Variants in SYK observed in about 807,000 individuals in gnomAD.
SYK encodes the protein spleen associated tyrosine kinase.
In SYK, 16 loss-of-function variants were observed where a neutral mutation model predicts 77.8. The observed-to-expected ratio is 0.21, with a 90% CI of 0.14 to 0.31. The LOEUF (loss-of-function observed/expected upper bound fraction) is 0.31. SYK is among the 10% of genes least tolerant of loss of function. SYK has a pLI of 1.00. For missense variants in SYK, 529 were observed against 814.4 expected, an observed-to-expected ratio of 0.65 and a Z score of 4.26; for synonymous variants, 312 against 308.7, an observed-to-expected ratio of 1.01 and a Z score of -0.11.
intron 1 of SYK, among the ~76,000 whole-genome samples, chr9:90,818,820 G>GC (rs1470015329): frequency 6.6e-6 from 1 of 152,202 alleles, no homozygotes; most frequent in Non-Finnish European, 1.5e-5. Flanking sequence ...CCTGGCTCAG[G>GC]CCCCTCTGGT....
At chr9:90,827,745 G>A (rs2118470382) in intron 1 of SYK, among the ~76,000 whole-genome samples, 1 of 152,318 alleles carries the variant, frequency 6.6e-6, no homozygotes, top group Non-Finnish European at 1.5e-5. Context: ...TCTTGAGCTG[G>A]AAGGTTTAGC....
intron 1 of SYK, among the ~76,000 whole-genome samples, chr9:90,819,348 A>T (rs1825420606): frequency 6.6e-6 from 1 of 152,150 alleles, no homozygotes; most frequent in South Asian, 2.1e-4. Context: ...TGCTTTCAAG[A>T]CCATTTGAGG....
chr9:90,841,284 A>G (rs1006123174), intron 1 of SYK, among the ~76,000 whole-genome samples: 1 of 143,914 alleles, frequency 6.9e-6, no homozygotes, highest in Non-Finnish European at 1.5e-5. Context: ...GTACTGTGTT[A>G]TGTGTGTAAT....
At chr9:90,870,981 C>G (rs1279285575) in intron 7 of SYK, among the ~76,000 whole-genome samples, 8 of 152,160 alleles carry the variant, frequency 5.3e-5, no homozygotes, top group Non-Finnish European at 1.0e-4. Flanking sequence ...TTCCACAGAC[C>G]AATAATTTTT....
chr9:90,822,415 C>T (rs1825548880), intron 1 of SYK, among the ~76,000 whole-genome samples: 1 of 152,196 alleles, frequency 6.6e-6, no homozygotes, highest in African/African-American at 2.4e-5. Context: ...AAAGCAGTCT[C>T]ATCAATGTGA....
At position 90,844,101 on chromosome 9, in the gene SYK, G is replaced by A. The variant is rs750210254; in HGVS notation, c.203G>A (p.Arg68Gln). 1.9e-5 allele frequency: 30 copies of A among 1,613,324 alleles called. No homozygotes were observed. Among genetic ancestry groups the A allele is most frequent in the East Asian group, 1.1e-4 (5 of 44,858 alleles). ...AAGGCACACCACTACACCATCGAGC[G>A]GGAGCTGAATGGCACCTACGCCATC... ...GRKAHHYTIE[R>Q]ELNGTYAIAG... The change falls in exon 2 of 14, where the codon CGG becomes CAG. Residue 68 changes from arginine (R) to glutamine (Q), a missense_variant. Physicochemically the swap from Arg to Gln is conservative, Grantham distance 43. Transcript: ENST00000375754.
Position 90,895,627 on chromosome 9 carries a change from C to G in SYK, c.*27C>G, listed in dbSNP as rs1828955566. 1 of 1,604,820 alleles carries G rather than the reference C, an allele frequency of 6.2e-7. No homozygotes were observed. Among genetic ancestry groups the G allele is most frequent in the African/African-American group, 1.3e-5 (1 of 74,752 alleles). ...CGCTCCCGCACCTGTCGGTGGCTGC[C>G]TTTGATCACAGGAGCAATCACAGGA... On this transcript the variant is annotated 3_prime_UTR_variant, in exon 14 of 14. Transcript: ENST00000375754. The surrounding 1 kb of genome is among the most constrained non-coding windows in gnomAD (Gnocchi z 4.4).
rs150394430 is a variant in SYK, at chr9:90,818,123, C to T, written c.-42+16230C>T. Among the ~76,000 whole-genome samples the T allele has an allele frequency of 5.1e-3, 783 of 152,200 alleles. 4 individuals carry two copies. The highest frequency in any genetic ancestry group is 8.7e-3 in the Non-Finnish European group (592 of 68,006). ...GGGCAAACATAGCTGCATTGGGCTCCGCTTGTGGCATGTTATTGCTCAGGA... is the reference window on the plus strand; with the variant it reads ...GGGCAAACATAGCTGCATTGGGCTCTGCTTGTGGCATGTTATTGCTCAGGA... On this transcript the variant is annotated intron_variant, in intron 1 of 13. Transcript: ENST00000375754.
chr9:90,846,862 G>A (rs1587855285), intron 3 of SYK, among the ~76,000 whole-genome samples: 1 of 152,338 alleles, frequency 6.6e-6, no homozygotes, highest in Admixed American at 6.5e-5. Context: ...TATTTTTGCT[G>A]AGGTTTGGCT....
At chr9:90,823,765 T>G (rs1825590017) in intron 1 of SYK, among the ~76,000 whole-genome samples, 1 of 152,020 alleles carries the variant, frequency 6.6e-6, no homozygotes, top group African/African-American at 2.4e-5. Flanking sequence ...ATAGAGAAAT[T>G]TATAGAACTA....
At position 90,895,482 on chromosome 9, in the gene SYK, T is replaced by C; in HGVS notation, c.1836-46T>C. The C allele has an allele frequency of 1.2e-6, 2 of 1,604,924 alleles. No individual in the cohort carries two copies. Among genetic ancestry groups the C allele is most frequent in the Non-Finnish European group, 1.7e-6 (2 of 1,172,804 alleles). ...GAGGCCCTGCTTGTGATCAGCAATT[T>C]TTCACAAGCACATTGACAAACAAGA... On this transcript the variant is annotated intron_variant, in intron 13 of 13. Transcript: ENST00000375754. The surrounding 1 kb of genome is among the most constrained non-coding windows in gnomAD (Gnocchi z 4.4).
At chr9:90,864,983 G>A in intron 5 of SYK, 65 bp from the exon 6 acceptor site, 2 of 1,491,702 alleles carry the variant, frequency 1.3e-6, no homozygotes, top group African/African-American at 1.4e-5. Context: ...TTGATCTGCA[G>A]TGGGGAGGGG....
intron 3 of SYK, among the ~76,000 whole-genome samples, chr9:90,851,973 A>C (rs1268730036): frequency 6.6e-6 from 1 of 152,204 alleles, no homozygotes; most frequent in Non-Finnish European, 1.5e-5. Context: ...CAAGCATACA[A>C]ACTTTAGAAA....
intron 1 of SYK, among the ~76,000 whole-genome samples, chr9:90,824,559 G>T (rs1825611865): frequency 6.6e-6 from 1 of 152,038 alleles, no homozygotes; most frequent in Non-Finnish European, 1.5e-5. Context: ...TGCAAAACAG[G>T]TTCAACATTT....
intron 3 of SYK, among the ~76,000 whole-genome samples, chr9:90,857,491 C>T (rs528540479): frequency 6.6e-6 from 1 of 152,222 alleles, no homozygotes; most frequent in Non-Finnish European, 1.5e-5. Context: ...TTTTAAACGA[C>T]AGGTGTGTTA....
intron 13 of SYK, among the ~76,000 whole-genome samples, chr9:90,894,451 T>G (rs116073980): frequency 1.3e-5 from 2 of 152,344 alleles, no homozygotes; most frequent in African/African-American, 4.8e-5. Flanking sequence ...AAACCATGTA[T>G]TTTGATGCCA....
chr9:90,875,241 AAAT>A, intron 9 of SYK, among the ~76,000 whole-genome samples: 1 of 148,228 alleles, frequency 6.7e-6, no homozygotes, highest in East Asian at 2.1e-4. Context: ...TCTACAAAAA[AAAT>A]AAATAAATAA....
chr9:90,871,913 G>A (rs1432822667), intron 7 of SYK, among the ~76,000 whole-genome samples: 1 of 152,212 alleles, frequency 6.6e-6, no homozygotes, highest in Non-Finnish European at 1.5e-5. Flanking sequence ...TAAACGTGGA[G>A]TTCTAATTTC....
At chr9:90,893,562 G>A (rs572436613) in intron 13 of SYK, among the ~76,000 whole-genome samples, 4 of 152,270 alleles carry the variant, frequency 2.6e-5, no homozygotes, top group African/African-American at 4.8e-5. Context: ...GTTGAAGGGG[G>A]TTTATTATGA....
Sources: allele counts gnomAD v4.1 joint callset (sites outside exome capture counted in the v4.1 genomes callset), GRCh38; gene constraint gnomAD v4.1.1; non-coding constraint Gnocchi (gnomAD v3.1); transcripts MANE v1.5; gene names NCBI Gene and HGNC (gene_info 2026-07-23, HGNC 2026-07-21).